Variants in ZNF567 observed in about 807,000 individuals in gnomAD.
ZNF567 encodes zinc finger protein 567.
In ZNF567, 36 loss-of-function variants were observed where a neutral mutation model predicts 53.9. The ratio of observed to expected loss-of-function variants is 0.67; its 90% CI spans 0.51 to 0.88. ZNF567 has a LOEUF of 0.88. Among genes scored for constraint, ZNF567 ranks in the 40% least tolerant of loss-of-function variants. ZNF567 has a pLI of 0.00. For missense variants in ZNF567, 619 were observed against 764.7 expected (o/e 0.81, Z 2.25); for synonymous variants, 224 against 260.4 (o/e 0.86, Z 1.35).
At chr19:36,723,362 G>A, downstream of ZNF567, 2 of 649,852 alleles carry the variant, frequency 3.1e-6, no homozygotes, top group Admixed American at 2.4e-5. Context: ...TGCATGTGCT[G>A]CCCTGTCTCC....
At chr19:36,700,467 T>C (rs1189047868) in intron 3 of ZNF567, among the ~76,000 whole-genome samples, 1 of 151,098 alleles carries the variant, frequency 6.6e-6, no homozygotes, top group Non-Finnish European at 1.5e-5. Context: ...TCCCTCTTTT[T>C]CTATTGATTG....
chr19:36,678,382 A>G, the ZNF567 span, among the ~76,000 whole-genome samples: 6 of 152,214 alleles, frequency 3.9e-5, no homozygotes, highest in African/African-American at 1.4e-4. Context: ...AAAGAAATAC[A>G]CACTGAGCAT....
intron 5 of ZNF567, 123 bp from the exon 6 acceptor site, chr19:36,718,825 G>C: frequency 1.4e-6 from 1 of 713,316 alleles, no homozygotes. Flanking sequence ...CCGCACCCCT[G>C]CCAGGCCAGT....
chr19:36,680,816 T>G, the ZNF567 span, among the ~76,000 whole-genome samples: 2 of 152,084 alleles, frequency 1.3e-5, no homozygotes, highest in East Asian at 3.9e-4. Flanking sequence ...ACCTCCGGGG[T>G]CACATTGCTG....
intron 5 of ZNF567, among the ~76,000 whole-genome samples, chr19:36,715,510 A>ATAG: frequency 4.1e-5 from 1 of 24,424 alleles, no homozygotes; most frequent in South Asian, 1.2e-3. Context: ...AATAATAATA[A>ATAG]TTATTATTAT....
chr19:36,694,983 C>T (rs963152416), intron 3 of ZNF567, 107 bp downstream of exon 3: 4 of 1,286,958 alleles, frequency 3.1e-6, no homozygotes, highest in Admixed American at 2.8e-5. Flanking sequence ...CCTATCTTTC[C>T]CTTCAGAAAA....
In ZNF567 at chr19:36,697,442, A is replaced by G. The variant is rs535582953; in HGVS notation, c.9+2566A>G. 1.1e-4 allele frequency among the ~76,000 whole-genome samples: 16 copies of G among 151,860 alleles called. No homozygotes were observed. In the South Asian group the frequency reaches 3.1e-3, roughly 30 times the overall value. ...ATAATGACTGTTTTCTTTCTTTCTA[A>G]TCTATATTCCCTTCATTTCTGTCTT... On this transcript the variant is annotated intron_variant, in intron 3 of 5. Transcript: ENST00000682579.
Position 36,695,711 on chromosome 19 carries a change from T to A in ZNF567, c.9+835T>A, listed in dbSNP as rs3108183. Among the ~76,000 whole-genome samples, 216 of 144,128 alleles carry A rather than the reference T, an allele frequency of 1.5e-3. 1 individual carries two copies. The highest frequency in any genetic ancestry group is 5.3e-3 in the African/African-American group (208 of 39,150). 94.6% of individuals were successfully genotyped at this position (144,128 alleles called of 152,430 possible). A position where few individuals can be genotyped will look rare whatever the true frequency, so the allele number is the denominator to read the frequency against. On this transcript the variant is annotated intron_variant, in intron 3 of 5. Coordinates refer to ENST00000682579, the MANE Select transcript of ZNF567 (RefSeq NM_001322917.1). ...CTCTCTTTATTAAAAAAAAAAAAAA[T>A]AGTGGATATATCATTCACCATCTCC...
At chr19:36,676,054 CCT>C in the ZNF567 span, among the ~76,000 whole-genome samples, 1 of 97,102 alleles carries the variant, frequency 1.0e-5, no homozygotes, top group Non-Finnish European at 2.2e-5. Context: ...TTATTCTACA[CCT>C]TTTTTTTTTT....
At chr19:36,726,513 C>T (rs534586646), downstream of ZNF567, among the ~76,000 whole-genome samples, 51 of 152,288 alleles carry the variant, frequency 3.3e-4, 1 homozygote, top group South Asian at 8.3e-3. Flanking sequence ...CTCCTCCTCA[C>T]GGTTAGGTGT....
chr19:36,687,732 C>A, intron 1 of ZNF567, 98 bp downstream of exon 1: 1 of 153,054 alleles, frequency 6.5e-6, no homozygotes, highest in Non-Finnish European at 1.5e-5. Flanking sequence ...CTGGGGAAAG[C>A]AAGAAGGGAA....
intron 3 of ZNF567, among the ~76,000 whole-genome samples, chr19:36,709,134 A>G (rs1311932912): frequency 6.6e-6 from 1 of 152,176 alleles, no homozygotes; most frequent in African/African-American, 2.4e-5. Flanking sequence ...CCTGTTTCCT[A>G]TTTTGTACAG....
downstream of ZNF567, among the ~76,000 whole-genome samples, chr19:36,721,805 A>C (rs1270093729): frequency 2.4e-5 from 3 of 123,946 alleles, no homozygotes; most frequent in Admixed American, 1.1e-4. Context: ...AATGCAGTGG[A>C]GCGATCTCGG....
chr19:36,707,984 C>T (rs935136973), intron 3 of ZNF567, among the ~76,000 whole-genome samples: 1 of 151,992 alleles, frequency 6.6e-6, no homozygotes, highest in Non-Finnish European at 1.5e-5. Flanking sequence ...CAGCCTCTAA[C>T]TCCTGGGCTC....
At chr19:36,674,121 G>T in the ZNF567 span, among the ~76,000 whole-genome samples, 1 of 152,016 alleles carries the variant, frequency 6.6e-6, no homozygotes, top group Non-Finnish European at 1.5e-5. Flanking sequence ...TTATTATCAG[G>T]AATTCTTCAA....
the ZNF567 span, among the ~76,000 whole-genome samples, chr19:36,682,332 G>A: frequency 6.7e-6 from 1 of 149,682 alleles, no homozygotes; most frequent in Non-Finnish European, 1.5e-5. Context: ...ACTATGTACA[G>A]CAACATGGAT....
At chr19:36,694,911 CTTTTT>C in intron 3 of ZNF567, 35 bp downstream of exon 3, 10 of 1,368,098 alleles carry the variant, frequency 7.3e-6, no homozygotes, top group South Asian at 2.9e-5. Flanking sequence ...TTCTGAAAGT[CTTTTT>C]TTTTTTTTTT....
At chr19:36,690,594 A>G (rs1297887202) in intron 2 of ZNF567, among the ~76,000 whole-genome samples, 1 of 152,216 alleles carries the variant, frequency 6.6e-6, no homozygotes, top group Non-Finnish European at 1.5e-5. Flanking sequence ...TTGTTTCAAA[A>G]CAAAACAAAA....
At chr19:36,679,775 T>G in the ZNF567 span, among the ~76,000 whole-genome samples, 1 of 151,876 alleles carries the variant, frequency 6.6e-6, no homozygotes, top group African/African-American at 2.4e-5. Flanking sequence ...ATCTAAAAAG[T>G]TGAACTCTTA....
Sources: gnomAD v4.1 joint callset for allele counts (sites outside exome capture counted in the v4.1 genomes callset) on GRCh38, gnomAD v4.1.1 for gene constraint, MANE v1.5 for transcripts, NCBI Gene and HGNC (gene_info 2026-07-23, HGNC 2026-07-21) for gene names.